The following NTM variants were observed in gnomAD, a reference collection of about 807,000 sequenced individuals.
NTM encodes the protein IgLON family member 2.
Under a neutral mutation model 42.1 loss-of-function variants are expected in NTM, and 13 were observed. That is an observed-to-expected ratio of 0.31 (90% CI 0.20 to 0.49). NTM has a LOEUF of 0.49. NTM is among the 20% of genes least tolerant of loss of function. The pLI, the probability that NTM is intolerant of heterozygous loss-of-function variation, is 0.99. For synonymous variants in NTM, 187 were observed against 179.2 expected, an observed-to-expected ratio of 1.04 and a Z score of -0.35; for missense variants, 373 against 452.8, an observed-to-expected ratio of 0.82 and a Z score of 1.60.
At chr11:132,050,154 G>A (rs1222371295) in intron 2 of NTM, among the ~76,000 whole-genome samples, 6 of 152,186 alleles carry the variant, frequency 3.9e-5, no homozygotes, top group African/African-American at 1.4e-4. Context: ...GGGGACTGGG[G>A]AAGGGAGAAG....
chr11:132,093,355 A>G (rs536190787), intron 2 of NTM, among the ~76,000 whole-genome samples: 4 of 152,174 alleles, frequency 2.6e-5, no homozygotes, highest in Admixed American at 6.5e-5. Context: ...CAAGGGCATG[A>G]AACACTAGAA....
intron 1 of NTM, among the ~76,000 whole-genome samples, chr11:131,503,189 A>G (rs2047047899): frequency 6.6e-6 from 1 of 152,164 alleles, no homozygotes; most frequent in Admixed American, 6.5e-5. Context: ...ATGAGGGTAC[A>G]AAGGAATGAG....
intron 1 of NTM, among the ~76,000 whole-genome samples, chr11:131,629,469 C>G (rs1458633396): frequency 6.6e-6 from 1 of 152,178 alleles, no homozygotes; most frequent in Non-Finnish European, 1.5e-5. Flanking sequence ...AAGGACAGAA[C>G]AGGCAGCTAT....
At chr11:131,996,947 T>C (rs2068164580) in intron 2 of NTM, among the ~76,000 whole-genome samples, 3 of 152,182 alleles carry the variant, frequency 2.0e-5, no homozygotes, top group Admixed American at 2.0e-4. Context: ...CATCCAAACA[T>C]ATCACTGGCT....
chr11:131,714,758 T>C (rs1048680887), intron 1 of NTM, among the ~76,000 whole-genome samples: 2 of 152,134 alleles, frequency 1.3e-5, no homozygotes, highest in Non-Finnish European at 2.9e-5. Flanking sequence ...TCTATTCCAC[T>C]CTCGCCAGCC....
chr11:131,790,120 T>C (rs1406975725), intron 1 of NTM, among the ~76,000 whole-genome samples: 1 of 152,056 alleles, frequency 6.6e-6, no homozygotes, highest in Non-Finnish European at 1.5e-5. Flanking sequence ...GATAAGAAGA[T>C]GGCAATTATG....
rs574344746 is a variant in NTM at position 131,406,409 on chromosome 11, A to G, written c.82+35521A>G. Among the ~76,000 whole-genome samples, 109 of 152,294 alleles carry G rather than the reference A, an allele frequency of 7.2e-4. 2 individuals carry two copies. Among genetic ancestry groups the G allele is most frequent in the Non-Finnish European group, 1.2e-3 (84 of 68,026 alleles). On this transcript the variant is annotated intron_variant, in intron 1 of 8. Coordinates refer to ENST00000683400, the MANE Select transcript of NTM (RefSeq NM_001352005.2). ...TCTCTCTGAGGGATTTTAAGAATAT[A>G]TTGAAACAATTTACACAAACAAATA...
At chr11:132,072,950 A>T (rs1458895834) in intron 2 of NTM, among the ~76,000 whole-genome samples, 1 of 152,070 alleles carries the variant, frequency 6.6e-6, no homozygotes, top group Non-Finnish European at 1.5e-5. Context: ...TTTGAAAGTT[A>T]CTCTATGGCC....
intron 2 of NTM, among the ~76,000 whole-genome samples, chr11:131,913,918 G>A (rs2055780309): frequency 6.6e-6 from 1 of 152,132 alleles, no homozygotes. Context: ...CTTGACCACA[G>A]GCCTGACTTA....
intron 2 of NTM, among the ~76,000 whole-genome samples, chr11:131,969,883 C>T (rs754325667): frequency 3.3e-5 from 5 of 152,182 alleles, no homozygotes; most frequent in Admixed American, 6.5e-5. Flanking sequence ...GTGGCACCAT[C>T]GTGGCTCACT....
chr11:132,336,293 A>ATGAT lies in NTM; in HGVS notation c.*1148_*1151dup, dbSNP rs969897350. The ATGAT allele has an allele frequency of 5.3e-5, 8 of 152,214 alleles. No individual in the cohort carries two copies. The highest frequency in any genetic ancestry group is 5.3e-4 in the Admixed American group (8 of 15,232). The allele number at this position is 152,214 out of a possible 1,614,324, so 9.4% of individuals were successfully genotyped here. ...TAGCTGTGTGTTGATCTTCTAAAAGATGATAGAGTTTACTGGTAATTGTGT... is the reference window on the plus strand; with the variant it reads ...TAGCTGTGTGTTGATCTTCTAAAAGATGATTGATAGAGTTTACTGGTAATTGTGT... On this transcript the variant is annotated 3_prime_UTR_variant, in exon 9 of 9. Transcript: ENST00000683400.
chr11:131,681,653 CTGTG>C (rs751745154), intron 1 of NTM, among the ~76,000 whole-genome samples: 8 of 64,262 alleles, frequency 1.2e-4, no homozygotes, highest in Non-Finnish European at 2.4e-4. Context: ...GTTTCTGTGT[CTGTG>C]TGTATGTCTC....
chr11:131,424,112 C>T (rs967610417), intron 1 of NTM, among the ~76,000 whole-genome samples: 4 of 152,082 alleles, frequency 2.6e-5, no homozygotes, highest in East Asian at 1.9e-4. Context: ...CATTATTAGG[C>T]GTTCCTTTGA....
intron 2 of NTM, among the ~76,000 whole-genome samples, chr11:131,913,957 A>G (rs763267637): frequency 6.6e-5 from 10 of 152,290 alleles, no homozygotes; most frequent in Middle Eastern, 6.8e-3. Flanking sequence ...AGGTGTAACA[A>G]GCAACCAGTA....
chr11:131,466,067 C>G (rs939198843), intron 1 of NTM, among the ~76,000 whole-genome samples: 5 of 152,222 alleles, frequency 3.3e-5, no homozygotes, highest in African/African-American at 1.2e-4. Flanking sequence ...AAGCCATCAG[C>G]CTTCAGCAGG....
intron 1 of NTM, among the ~76,000 whole-genome samples, chr11:131,628,643 C>T (rs1046352807): frequency 1.3e-5 from 2 of 152,114 alleles, no homozygotes; most frequent in Non-Finnish European, 2.9e-5. Context: ...AATTATCTTG[C>T]TCTCTAAGAA....
intron 1 of NTM, chr11:131,769,612 C>G: frequency 2.0e-6 from 2 of 979,792 alleles, no homozygotes; most frequent in Non-Finnish European, 2.4e-6. Context: ...TGCATGAGCT[C>G]CACACAATCC....
At chr11:131,508,424 T>A (rs2047778716) in intron 1 of NTM, among the ~76,000 whole-genome samples, 2 of 149,858 alleles carry the variant, frequency 1.3e-5, no homozygotes, top group Admixed American at 1.3e-4. Context: ...GGAACACTTT[T>A]ACACTGTTGG....
chr11:131,839,053 C>T (rs56080519), intron 1 of NTM, among the ~76,000 whole-genome samples: 28,395 of 151,590 alleles, frequency 0.19, 4,027 homozygotes, highest in African/African-American at 0.4. Flanking sequence ...CTCTGCCTCC[C>T]GGGTTCATGC....
Sources: gnomAD v4.1 joint callset for allele counts (sites outside exome capture counted in the v4.1 genomes callset) on GRCh38, gnomAD v4.1.1 for gene constraint, MANE v1.5 for transcripts, NCBI Gene and HGNC (gene_info 2026-07-23, HGNC 2026-07-21) for gene names.